Variants in KCNH7 observed in about 807,000 individuals in gnomAD.
KCNH7 encodes voltage-gated inwardly rectifying potassium channel KCNH7.
Under a neutral mutation model 120.8 loss-of-function variants are expected in KCNH7, and 49 were observed. That is an observed-to-expected ratio of 0.41 (90% CI 0.32 to 0.51). KCNH7 has a LOEUF of 0.51. KCNH7 is among the 20% of genes least tolerant of loss of function. KCNH7 has a pLI of 0.38. For missense variants in KCNH7, 1,097 were observed against 1,446.6 expected (o/e 0.76, Z 3.92); for synonymous variants, 547 against 516.1 (o/e 1.06, Z -0.81).
chr2:162,721,663 A>G (rs1370895942), intron 2 of KCNH7, among the ~76,000 whole-genome samples: 1 of 152,192 alleles, frequency 6.6e-6, no homozygotes, highest in African/African-American at 2.4e-5. Flanking sequence ...TGTAATTAGT[A>G]TGCTTTCATT....
intron 2 of KCNH7, among the ~76,000 whole-genome samples, chr2:162,613,290 G>A (rs1172196799): frequency 6.6e-6 from 1 of 151,978 alleles, no homozygotes; most frequent in Non-Finnish European, 1.5e-5. Context: ...CATATTGATA[G>A]CATCAATAGA....
intron 2 of KCNH7, among the ~76,000 whole-genome samples, chr2:162,548,880 T>C (rs925200875): frequency 6.6e-6 from 1 of 152,206 alleles, no homozygotes; most frequent in Non-Finnish European, 1.5e-5. Context: ...TGAAAAAGTA[T>C]GAGTTATCAT....
chr2:162,475,342 T>C (rs1689699598), intron 6 of KCNH7, among the ~76,000 whole-genome samples: 1 of 152,196 alleles, frequency 6.6e-6, no homozygotes, highest in South Asian at 2.1e-4. Context: ...TCACAAAATA[T>C]ATTTTGGGTA....
Position 162,805,043 on chromosome 2 carries a change from T to C in KCNH7, c.307+31494A>G, listed in dbSNP as rs1392657460. ...AACTGGCTAGCTACACGAAGAAGAATGAAACTGGATCCCTATCTCTCACCC... is the reference window on the plus strand; with the variant it reads ...AACTGGCTAGCTACACGAAGAAGAACGAAACTGGATCCCTATCTCTCACCC... On this transcript the variant is annotated intron_variant, in intron 2 of 15. Transcript: ENST00000332142. Among the ~76,000 whole-genome samples, 3 of 151,918 alleles carry C rather than the reference T, an allele frequency of 2.0e-5. No homozygotes were observed. The East Asian group carries it at 5.8e-4, about 29-fold the overall frequency.
chr2:162,656,941 T>C (rs1244133163), intron 2 of KCNH7, among the ~76,000 whole-genome samples: 1 of 152,202 alleles, frequency 6.6e-6, no homozygotes, highest in African/African-American at 2.4e-5. Context: ...AAAGCATGTC[T>C]CCTTTAAAGG....
chr2:162,482,920 A>G (rs1267172736), intron 6 of KCNH7, among the ~76,000 whole-genome samples: 1 of 152,198 alleles, frequency 6.6e-6, no homozygotes, highest in Admixed American at 6.5e-5. Context: ...ATTATATGGC[A>G]GCTATTAGCA....
At chr2:162,717,449 T>A (rs1687166216) in intron 2 of KCNH7, among the ~76,000 whole-genome samples, 1 of 152,094 alleles carries the variant, frequency 6.6e-6, no homozygotes, top group South Asian at 2.1e-4. Flanking sequence ...AAGGTCCATC[T>A]CTCTTATCAC....
intron 2 of KCNH7, among the ~76,000 whole-genome samples, chr2:162,591,147 T>C (rs1694202910): frequency 6.6e-6 from 1 of 152,138 alleles, no homozygotes. Flanking sequence ...GAAATCTTCC[T>C]TGAGCAACCA....
At chr2:162,692,124 GTT>G (rs71410029) in intron 2 of KCNH7, among the ~76,000 whole-genome samples, 2 of 144,704 alleles carry the variant, frequency 1.4e-5, no homozygotes, top group Non-Finnish European at 1.5e-5. Context: ...ACAACATTGA[GTT>G]TTTTTTTTTT....
chr2:162,821,137 C>T (rs1225178949), intron 2 of KCNH7, among the ~76,000 whole-genome samples: 1 of 152,188 alleles, frequency 6.6e-6, no homozygotes, highest in African/African-American at 2.4e-5. Flanking sequence ...TCTACACATA[C>T]CCTATCCACA....
At chr2:162,666,071 G>A (rs1685122941) in intron 2 of KCNH7, among the ~76,000 whole-genome samples, 1 of 151,902 alleles carries the variant, frequency 6.6e-6, no homozygotes, top group South Asian at 2.1e-4. Flanking sequence ...CCACATCAAG[G>A]ACATCCTTTC....
At chr2:162,632,133 T>C (rs1031766030) in intron 2 of KCNH7, among the ~76,000 whole-genome samples, 3 of 151,978 alleles carry the variant, frequency 2.0e-5, no homozygotes, top group Non-Finnish European at 2.9e-5. Flanking sequence ...TCCACATTAA[T>C]CAACTGAAAA....
At chr2:162,632,168 A>G (rs970284903) in intron 2 of KCNH7, among the ~76,000 whole-genome samples, 1 of 152,048 alleles carries the variant, frequency 6.6e-6, no homozygotes, top group African/African-American at 2.4e-5. Flanking sequence ...AAAATGATTC[A>G]GCAAGATGGT....
At chr2:162,714,940 T>C (rs1033756120) in intron 2 of KCNH7, among the ~76,000 whole-genome samples, 1 of 152,152 alleles carries the variant, frequency 6.6e-6, no homozygotes, top group Non-Finnish European at 1.5e-5. Context: ...CCTAAAGCTA[T>C]AGGTTAGTAA....
At chr2:162,833,594 T>C (rs570874285) in intron 2 of KCNH7, among the ~76,000 whole-genome samples, 1 of 152,248 alleles carries the variant, frequency 6.6e-6, no homozygotes, top group South Asian at 2.1e-4. Context: ...CTGTCAAATA[T>C]TCCTACTGCA....
chr2:162,731,785 G>T (rs1176999730), intron 2 of KCNH7, among the ~76,000 whole-genome samples: 1 of 152,096 alleles, frequency 6.6e-6, no homozygotes, highest in Non-Finnish European at 1.5e-5. Context: ...ATTAGAGGGA[G>T]TATATTTAAA....
At chr2:162,773,553 C>T (rs932433010) in intron 2 of KCNH7, among the ~76,000 whole-genome samples, 3 of 151,532 alleles carry the variant, frequency 2.0e-5, no homozygotes, top group Non-Finnish European at 2.9e-5. Context: ...CAAATGACAA[C>T]GAAAGAAGAG....
intron 2 of KCNH7, among the ~76,000 whole-genome samples, chr2:162,673,690 T>C (rs1295510568): frequency 6.6e-6 from 1 of 152,064 alleles, no homozygotes; most frequent in Non-Finnish European, 1.5e-5. Context: ...ATATTTGACA[T>C]ACAACAATCC....
At chr2:162,747,202 A>G (rs1284945991) in intron 2 of KCNH7, among the ~76,000 whole-genome samples, 1 of 152,196 alleles carries the variant, frequency 6.6e-6, no homozygotes, top group East Asian at 1.9e-4. Flanking sequence ...AAAATATGGT[A>G]GCAAAAAAGC....
Sources: allele counts gnomAD v4.1 joint callset (sites outside exome capture counted in the v4.1 genomes callset), GRCh38; gene constraint gnomAD v4.1.1; transcripts MANE v1.5; gene names NCBI Gene and HGNC (gene_info 2026-07-23, HGNC 2026-07-21).